CDC123: variants seen among roughly 807,000 people sequenced by gnomAD.
The protein encoded by CDC123 is cell division cycle 123.
A neutral mutation model predicts 54.4 loss-of-function variants in CDC123; 37 were observed. The observed-to-expected ratio is 0.68, with a 90% CI of 0.52 to 0.89. CDC123 has a LOEUF of 0.89. CDC123 is among the 40% of genes least tolerant of loss of function. The pLI, the probability that CDC123 is intolerant of heterozygous loss-of-function variation, is 0.00. For missense variants in CDC123, 361 were observed against 412.1 expected, an observed-to-expected ratio of 0.88 and a Z score of 1.07; for synonymous variants, 144 against 136.8, an observed-to-expected ratio of 1.05 and a Z score of -0.37.
At chr10:12,241,097 C>G (rs1056845157) in intron 10 of CDC123, among the ~76,000 whole-genome samples, 1 of 152,166 alleles carries the variant, frequency 6.6e-6, no homozygotes, top group Admixed American at 6.6e-5. Context: ...GGGTTACACT[C>G]TTCAGGGTTT....
At chr10:12,248,215 A>G (rs1319321330) in intron 11 of CDC123, among the ~76,000 whole-genome samples, 2 of 152,202 alleles carry the variant, frequency 1.3e-5, no homozygotes, top group African/African-American at 4.8e-5. Context: ...ATCTTTTAAA[A>G]AATAGTTTTG....
intron 4 of CDC123, among the ~76,000 whole-genome samples, chr10:12,211,947 G>T (rs1248674504): frequency 1.3e-5 from 2 of 152,122 alleles, no homozygotes; most frequent in East Asian, 3.9e-4. Context: ...AGCTAGCCAG[G>T]CATGGTGGTA....
rs1835656661 is a variant in CDC123, at chr10:12,215,940, G to GA, written c.333+110dup. ...GGTCTAATTATATTCCTAATTCTAG[G>GA]AAAAATACTGTGGAATTTATTATTA... On this transcript the variant is annotated intron_variant, in intron 5 of 12. Transcript: ENST00000281141. 4 of 618,658 alleles carry GA rather than the reference G, an allele frequency of 6.5e-6. No individual in the cohort carries two copies. The Admixed American group carries it at 1.6e-4, about 24-fold the overall frequency. The allele number at this position is 618,658 out of a possible 1,614,324, so 38.3% of individuals were successfully genotyped here. A position where few individuals can be genotyped will look rare whatever the true frequency, so the allele number is the denominator to read the frequency against.
At chr10:12,240,953 G>A (rs1023258151) in intron 10 of CDC123, among the ~76,000 whole-genome samples, 24 of 152,142 alleles carry the variant, frequency 1.6e-4, no homozygotes, top group African/African-American at 3.1e-4. Context: ...TCCTAGAAGC[G>A]GGATTGCTGG....
chr10:12,229,317 G>A (rs1036286883), intron 6 of CDC123, among the ~76,000 whole-genome samples: 2 of 152,182 alleles, frequency 1.3e-5, no homozygotes, highest in African/African-American at 4.8e-5. Context: ...GCTCCCCTTT[G>A]TCCTTATAAT....
At chr10:12,209,919 C>T (rs151071416) in intron 2 of CDC123, 48 bp from the exon 3 acceptor site, 18 of 1,569,362 alleles carry the variant, frequency 1.1e-5, no homozygotes, top group Admixed American at 8.4e-5. Flanking sequence ...TAGGAGCATG[C>T]GGTGCCCAAG....
At chr10:12,221,676 T>A (rs929014697) in intron 6 of CDC123, among the ~76,000 whole-genome samples, 2 of 151,938 alleles carry the variant, frequency 1.3e-5, no homozygotes, top group Admixed American at 1.3e-4. Context: ...TCAAACATCG[T>A]AAGATTTTTT....
chr10:12,248,889 C>G (rs1161704523), intron 11 of CDC123, among the ~76,000 whole-genome samples: 1 of 151,812 alleles, frequency 6.6e-6, no homozygotes. Context: ...GCAGGCAGAT[C>G]ACCTGAGGTC....
chr10:12,218,309 C>A (rs1467183576), intron 6 of CDC123, among the ~76,000 whole-genome samples: 1 of 143,284 alleles, frequency 7.0e-6, no homozygotes, highest in Non-Finnish European at 1.5e-5. Flanking sequence ...TGCAGTGGCA[C>A]GATCTCAGCT....
chr10:12,208,761 C>G (rs1835554419), intron 2 of CDC123, among the ~76,000 whole-genome samples: 1 of 152,156 alleles, frequency 6.6e-6, no homozygotes, highest in Non-Finnish European at 1.5e-5. Flanking sequence ...TACAGCTTAT[C>G]TGCCTTGTCT....
intron 2 of CDC123, among the ~76,000 whole-genome samples, chr10:12,208,739 G>A (rs541039750): frequency 2.6e-5 from 4 of 152,288 alleles, no homozygotes; most frequent in African/African-American, 9.6e-5. Flanking sequence ...GGACCATGAA[G>A]AAAGGCAGAC....
rs531756675 is a variant in CDC123, at chr10:12,242,963, C to T, written c.718-3186C>T. Among the ~76,000 whole-genome samples, 49 of 151,854 alleles carry T rather than the reference C, an allele frequency of 3.2e-4. 1 individual carries two copies. Among genetic ancestry groups the T allele is most frequent in the African/African-American group, 1.1e-3 (47 of 41,436 alleles). On this transcript the variant is annotated intron_variant, in intron 10 of 12. Coordinates refer to ENST00000281141, the MANE Select transcript of CDC123 (RefSeq NM_006023.3). Reference sequence around the variant, plus strand: ...TCTCAAAAAAAAAAAGTTATAAAATCCTGATCCTGATCCTCCTAGTTTATA... The same window carrying T: ...TCTCAAAAAAAAAAAGTTATAAAATTCTGATCCTGATCCTCCTAGTTTATA...
chr10:12,210,241 G>C (rs1433544392), intron 3 of CDC123, 49 bp from the exon 4 acceptor site: 1 of 1,601,384 alleles, frequency 6.2e-7, no homozygotes, highest in African/African-American at 1.3e-5. Context: ...TTGAAGCCCA[G>C]TGCAGTATTT....
In CDC123 at chr10:12,250,338, T is replaced by C; in HGVS notation, c.*1T>C. The C allele has an allele frequency of 1.9e-6, 3 of 1,603,090 alleles. No homozygotes were observed. Among genetic ancestry groups the C allele is most frequent in the Non-Finnish European group, 2.6e-6 (3 of 1,171,178 alleles). Reference sequence around the variant, plus strand: ...GAGAAATCAGCAGGAGGACGACTGATGAGCGTACTGGAACTGGAGAAGAGG... The same window carrying C: ...GAGAAATCAGCAGGAGGACGACTGACGAGCGTACTGGAACTGGAGAAGAGG... On this transcript the variant is annotated 3_prime_UTR_variant, in exon 13 of 13. Coordinates refer to ENST00000281141, the MANE Select transcript of CDC123 (RefSeq NM_006023.3).
intron 10 of CDC123, among the ~76,000 whole-genome samples, chr10:12,238,688 C>A (rs750831508): frequency 9.2e-5 from 14 of 151,834 alleles, no homozygotes; most frequent in African/African-American, 3.4e-4. Context: ...CTAGCCTGGG[C>A]AACATAGTGA....
intron 8 of CDC123, 41 bp downstream of exon 8, chr10:12,235,164 A>T (rs978104103): frequency 6.6e-7 from 1 of 1,515,592 alleles, no homozygotes; most frequent in Admixed American, 1.7e-5. Flanking sequence ...CTTCAAAGTC[A>T]TCTTTAAAAG....
At chr10:12,213,109 A>G (rs1835624127) in intron 4 of CDC123, among the ~76,000 whole-genome samples, 1 of 152,250 alleles carries the variant, frequency 6.6e-6, no homozygotes, top group Non-Finnish European at 1.5e-5. Context: ...ATAATATTTG[A>G]TTGAATAGAT....
chr10:12,229,826 GATCT>G (rs1835873832), intron 6 of CDC123, among the ~76,000 whole-genome samples: 4 of 152,332 alleles, frequency 2.6e-5, no homozygotes, highest in Admixed American at 6.5e-5. Context: ...GGGCTGAATG[GATCT>G]ATCTGAGTTT....
intron 2 of CDC123, among the ~76,000 whole-genome samples, chr10:12,200,120 A>ACTTT (rs1554805191): frequency 3.4e-5 from 2 of 59,356 alleles, no homozygotes; most frequent in Non-Finnish European, 3.0e-5. Flanking sequence ...CGCACTCGGC[A>ACTTT]TTTTTTTTTT....
Sources: allele counts gnomAD v4.1 joint callset (sites outside exome capture counted in the v4.1 genomes callset), GRCh38; gene constraint gnomAD v4.1.1; transcripts MANE v1.5; gene names NCBI Gene and HGNC (gene_info 2026-07-23, HGNC 2026-07-21).